The following SHANK2 variants were observed in gnomAD, a reference collection of about 807,000 sequenced individuals.
SHANK2 encodes SH3 and multiple ankyrin repeat domains 2.
SHANK2 carries 43 observed loss-of-function variants against 133.7 expected under a neutral mutation model. That is an observed-to-expected ratio of 0.32 (90% CI 0.25 to 0.41). The LOEUF is 0.41. Ranked by LOEUF, SHANK2 falls within the 10% of genes least tolerant of loss-of-function variation. SHANK2 has a pLI of 1.00. For synonymous variants in SHANK2, 1,017 were observed against 952.8 expected (o/e 1.07, Z -1.24); for missense variants, 1,994 against 2,235.8 (o/e 0.89, Z 2.18).
intron 17 of SHANK2, among the ~76,000 whole-genome samples, chr11:70,609,761 A>ATATATTATAT (rs879969445): frequency 1.8e-5 from 1 of 57,128 alleles, no homozygotes; most frequent in South Asian, 7.2e-4. Flanking sequence ...TTGTATATAC[A>ATATATTATAT]TGTACTATAT....
At chr11:70,819,232 AG>A (rs1948467848) in intron 12 of SHANK2, among the ~76,000 whole-genome samples, 1 of 152,230 alleles carries the variant, frequency 6.6e-6, no homozygotes, top group Non-Finnish European at 1.5e-5. Flanking sequence ...TGCCAGAGCC[AG>A]GGGCCTGTGC....
chr11:70,714,730 C>T (rs1202195678), intron 14 of SHANK2, among the ~76,000 whole-genome samples: 1 of 152,150 alleles, frequency 6.6e-6, no homozygotes, highest in Non-Finnish European at 1.5e-5. Context: ...ACCCCATGGC[C>T]TCTGGCTACA....
intron 2 of SHANK2, among the ~76,000 whole-genome samples, chr11:71,203,869 G>A (rs577577308): frequency 1.7e-4 from 26 of 152,338 alleles, no homozygotes; most frequent in African/African-American, 5.3e-4. Context: ...TCAGGAGCAG[G>A]GTGCAGGGGT....
At chr11:70,599,923 G>GAA (rs781878106) in intron 17 of SHANK2, among the ~76,000 whole-genome samples, 12 of 113,866 alleles carry the variant, frequency 1.1e-4, no homozygotes, top group African/African-American at 4.7e-4. Context: ...AAGAAAGAAA[G>GAA]AAAGAAAGAA....
At chr11:71,152,182 G>A (rs547883611) in intron 2 of SHANK2, among the ~76,000 whole-genome samples, 15 of 152,184 alleles carry the variant, frequency 9.9e-5, no homozygotes, top group African/African-American at 2.6e-4. Context: ...GTGCAATCTC[G>A]GCTCACTGCA....
chr11:71,134,317 G>T (rs1330760154), intron 3 of SHANK2, among the ~76,000 whole-genome samples: 3 of 151,996 alleles, frequency 2.0e-5, no homozygotes, highest in Non-Finnish European at 4.4e-5. Flanking sequence ...TTTCCTCTTG[G>T]GGGGATGGAA....
intron 3 of SHANK2, among the ~76,000 whole-genome samples, chr11:71,138,872 A>G (rs1952498879): frequency 3.9e-5 from 6 of 151,942 alleles, no homozygotes. Context: ...GACAGACGAG[A>G]GGACATCCCC....
At chr11:70,558,871 G>T (rs966625030) in intron 17 of SHANK2, among the ~76,000 whole-genome samples, 2 of 152,222 alleles carry the variant, frequency 1.3e-5, no homozygotes, top group African/African-American at 4.8e-5. Flanking sequence ...GCTGCTGCAT[G>T]GAGAGAAAGC....
At chr11:71,241,175 C>A (rs1224793096) in intron 1 of SHANK2, among the ~76,000 whole-genome samples, 6 of 152,286 alleles carry the variant, frequency 3.9e-5, no homozygotes, top group African/African-American at 1.4e-4. Flanking sequence ...GGAAGCCCCG[C>A]CAGCCCTGCA....
chr11:70,816,984 G>T (rs1948412336), intron 12 of SHANK2, among the ~76,000 whole-genome samples: 1 of 152,252 alleles, frequency 6.6e-6, no homozygotes, highest in Non-Finnish European at 1.5e-5. Flanking sequence ...AGCAAACAAT[G>T]TGCAGTGAAC....
intron 14 of SHANK2, among the ~76,000 whole-genome samples, chr11:70,707,742 G>T (rs185081654): frequency 6.6e-6 from 1 of 152,152 alleles, no homozygotes; most frequent in Non-Finnish European, 1.5e-5. Flanking sequence ...TGGGGAAGCC[G>T]TCGAGTCACG....
chr11:71,215,755 A>G (rs1954398694), intron 2 of SHANK2, among the ~76,000 whole-genome samples: 2 of 152,142 alleles, frequency 1.3e-5, no homozygotes, highest in Non-Finnish European at 2.9e-5. Flanking sequence ...TGCAAACACG[A>G]TTATTTAGCA....
chr11:70,729,869 G>A lies in SHANK2; in HGVS notation c.1778-31106C>T, dbSNP rs146988104. Among the ~76,000 whole-genome samples, 112 of 146,490 alleles carry A rather than the reference G, an allele frequency of 7.6e-4. No individual in the cohort carries two copies. The East Asian group carries it at 0.02, about 26-fold the overall frequency. ...CTTTAAAAATGGGGATAGTTCTGGC[G>A]TTTGAGAATGATATCTCAACAAAGT... On this transcript the variant is annotated intron_variant, in intron 14 of 25. Transcript: ENST00000601538.
intron 3 of SHANK2, among the ~76,000 whole-genome samples, chr11:71,139,493 A>G (rs1337909668): frequency 6.6e-6 from 1 of 152,078 alleles, no homozygotes; most frequent in Non-Finnish European, 1.5e-5. Flanking sequence ...CCTAAAACTT[A>G]AAGTATAATA....
rs556346468 is a variant in SHANK2, at chr11:70,816,758, G to A, written c.1493+3606C>T. On this transcript the variant is annotated intron_variant, in intron 12 of 25. Transcript: ENST00000601538. ...CCATCCAGCATCACCAGGGCTGGCCGAATGAGCGTTTCCCTATCTCAATAA... is the reference window on the plus strand; with the variant it reads ...CCATCCAGCATCACCAGGGCTGGCCAAATGAGCGTTTCCCTATCTCAATAA... Among the ~76,000 whole-genome samples the A allele has an allele frequency of 8.9e-4, 135 of 152,330 alleles. 1 individual carries two copies. Among genetic ancestry groups the A allele is most frequent in the African/African-American group, 3.2e-3 (131 of 41,570 alleles).
rs1317022895 is a variant in SHANK2 at position 71,252,040 on chromosome 11, G to C, written c.-113+385C>G. Among the ~76,000 whole-genome samples the C allele has an allele frequency of 6.6e-6, 1 of 152,094 alleles. No homozygotes were observed. The highest frequency in any genetic ancestry group is 6.5e-5 in the Admixed American group (1 of 15,284). On this transcript the variant is annotated intron_variant, in intron 1 of 25. Transcript: ENST00000601538. This position sits in a 1 kb window ranked among gnomAD's most constrained non-coding sequence, Gnocchi z 6.3. ...AGACCCCGGGAGAGCGGGGGAGGTC[G>C]CGCCACACGCGCTGTTCCAGAGGAA...
rs1338959491 is a variant in SHANK2, at chr11:71,124,791, T to G, written c.208-5759A>C. On this transcript the variant is annotated intron_variant, in intron 3 of 25. Transcript: ENST00000601538. ...AGAGGCATATCCCATTCTATTTCACTTGCTTTATTGAGCTTCACAGAGAAG... is the reference window on the plus strand; with the variant it reads ...AGAGGCATATCCCATTCTATTTCACGTGCTTTATTGAGCTTCACAGAGAAG... 9.9e-5 allele frequency among the ~76,000 whole-genome samples: 15 copies of G among 152,224 alleles called. 1 individual carries two copies. The highest frequency in any genetic ancestry group is 1.8e-4 in the Non-Finnish European group (12 of 68,040).
chr11:70,786,522 C>T (rs1947657658), intron 14 of SHANK2, among the ~76,000 whole-genome samples: 2 of 152,186 alleles, frequency 1.3e-5, no homozygotes, highest in South Asian at 2.1e-4. Context: ...CTGTGAGCCA[C>T]TGCAACAACC....
At chr11:70,911,647 A>C (rs1394057633) in intron 10 of SHANK2, among the ~76,000 whole-genome samples, 2 of 152,212 alleles carry the variant, frequency 1.3e-5, no homozygotes, top group Non-Finnish European at 2.9e-5. Flanking sequence ...GACTCAGGCC[A>C]AGAACTGGAG....
Sources: allele counts gnomAD v4.1 joint callset (sites outside exome capture counted in the v4.1 genomes callset), GRCh38; gene constraint gnomAD v4.1.1; non-coding constraint Gnocchi (gnomAD v3.1); transcripts MANE v1.5; gene names NCBI Gene and HGNC (gene_info 2026-07-23, HGNC 2026-07-21).